Variants in CDH2 observed in about 807,000 individuals in gnomAD.
CDH2 encodes cadherin 2, also known as cadherin-2.
A neutral mutation model predicts 92.0 loss-of-function variants in CDH2; 17 were observed. The observed-to-expected ratio is 0.18, with a 90% confidence interval of 0.13 to 0.28. CDH2 has a LOEUF of 0.28. Ranked by LOEUF, CDH2 falls within the 10% of genes least tolerant of loss-of-function variation. The pLI, the probability that CDH2 is intolerant of heterozygous loss-of-function variation, is 1.00. For missense variants in CDH2, 862 were observed against 1,133.1 expected, an observed-to-expected ratio of 0.76 and a Z score of 3.44; for synonymous variants, 419 against 415.9, an observed-to-expected ratio of 1.01 and a Z score of -0.09.
At chr18:28,041,426 A>G (rs541464859) in intron 2 of CDH2, among the ~76,000 whole-genome samples, 1 of 152,322 alleles carries the variant, frequency 6.6e-6, no homozygotes, top group East Asian at 1.9e-4. Flanking sequence ...AAATAAAAAG[A>G]ATGGATTTCT....
At chr18:28,096,368 C>T (rs1057150917) in intron 2 of CDH2, among the ~76,000 whole-genome samples, 6 of 150,162 alleles carry the variant, frequency 4.0e-5, no homozygotes, top group Admixed American at 3.3e-4. Context: ...ATTAAAGCAA[C>T]CTTGAGATGC....
At chr18:28,051,631 T>C (rs1398108515) in intron 2 of CDH2, among the ~76,000 whole-genome samples, 1 of 152,142 alleles carries the variant, frequency 6.6e-6, no homozygotes, top group African/African-American at 2.4e-5. Flanking sequence ...TAAATTAACC[T>C]TACTCAAAAT....
chr18:28,091,170 T>C (rs927158802), intron 2 of CDH2, among the ~76,000 whole-genome samples: 1 of 152,202 alleles, frequency 6.6e-6, no homozygotes, highest in African/African-American at 2.4e-5. Flanking sequence ...ACTATATGAT[T>C]GCAAAAAGTT....
intron 2 of CDH2, among the ~76,000 whole-genome samples, chr18:28,017,865 T>C (rs1220051053): frequency 1.3e-5 from 2 of 152,072 alleles, no homozygotes; most frequent in Non-Finnish European, 2.9e-5. Context: ...AAGACAAGGA[T>C]GCTCACTTTC....
chr18:27,957,169 A>C (rs2011270973), intron 15 of CDH2, among the ~76,000 whole-genome samples: 1 of 128,968 alleles, frequency 7.8e-6, no homozygotes, highest in Non-Finnish European at 1.8e-5. Context: ...CATTAAAAAT[A>C]TCACTTCGAC....
chr18:28,078,943 C>T (rs894679), intron 2 of CDH2, among the ~76,000 whole-genome samples: 24,734 of 152,130 alleles, frequency 0.16, 2,320 homozygotes, highest in East Asian at 0.3. Flanking sequence ...CCTCCACACA[C>T]TAATCAGAGT....
At chr18:27,987,220 A>G (rs2012263766) in intron 11 of CDH2, among the ~76,000 whole-genome samples, 1 of 152,218 alleles carries the variant, frequency 6.6e-6, no homozygotes, top group African/African-American at 2.4e-5. Flanking sequence ...CATTACTTTC[A>G]GTACCACTGT....
At chr18:28,153,694 T>C (rs995660164) in intron 1 of CDH2, among the ~76,000 whole-genome samples, 3 of 152,338 alleles carry the variant, frequency 2.0e-5, no homozygotes, top group African/African-American at 4.8e-5. Flanking sequence ...GTTCCCCATC[T>C]GTACAACAAG....
At chr18:28,006,312 T>C (rs1370920738) in intron 5 of CDH2, among the ~76,000 whole-genome samples, 1 of 152,192 alleles carries the variant, frequency 6.6e-6, no homozygotes, top group Admixed American at 6.5e-5. Flanking sequence ...CTAGGAAATT[T>C]ATGAAGGTCA....
rs2143850333 is a variant in CDH2, at chr18:27,951,517, T to C, written c.*636A>G. The C allele has an allele frequency of 6.5e-6, 1 of 152,674 alleles. No individual in the cohort carries two copies. Among genetic ancestry groups the C allele is most frequent in the Admixed American group, 6.5e-5 (1 of 15,286 alleles). 9.5% of individuals were successfully genotyped at this position (152,674 alleles called of 1,614,324 possible). On this transcript the variant is annotated 3_prime_UTR_variant, in exon 16 of 16. Transcript: ENST00000269141. Reference sequence around the variant, plus strand: ...AAGTGTACATGGATTAAGACCAAAATGTGTCTAACATTCTAGTTTATGAAA... The same window carrying C: ...AAGTGTACATGGATTAAGACCAAAACGTGTCTAACATTCTAGTTTATGAAA...
At chr18:28,098,552 C>A (rs1280495427) in intron 2 of CDH2, among the ~76,000 whole-genome samples, 8 of 151,890 alleles carry the variant, frequency 5.3e-5, no homozygotes, top group African/African-American at 1.9e-4. Flanking sequence ...AGCACTATAA[C>A]TCATGCCTGA....
intron 2 of CDH2, among the ~76,000 whole-genome samples, chr18:28,133,059 A>C (rs2015798637): frequency 6.6e-6 from 1 of 152,190 alleles, no homozygotes; most frequent in South Asian, 2.1e-4. Context: ...GCCCTTCTTG[A>C]AATCAGCAAT....
rs151238435 is a variant in CDH2 at position 28,103,725 on chromosome 18, C to T, written c.172+43948G>A. ...ATACATGTGTTCTCATTATTCAATTCCCACTTATGAGTGAGAACATGCGGT... is the reference window on the plus strand; with the variant it reads ...ATACATGTGTTCTCATTATTCAATTTCCACTTATGAGTGAGAACATGCGGT... On this transcript the variant is annotated intron_variant, in intron 2 of 15. Transcript: ENST00000269141. Among the ~76,000 whole-genome samples the T allele has an allele frequency of 4.8e-3, 727 of 151,898 alleles. 9 individuals are homozygous for T. Among genetic ancestry groups the T allele is most frequent in the African/African-American group, 0.017 (690 of 41,416 alleles).
At chr18:28,004,401 C>A (rs1302012878) in intron 6 of CDH2, among the ~76,000 whole-genome samples, 1 of 152,174 alleles carries the variant, frequency 6.6e-6, no homozygotes, top group Non-Finnish European at 1.5e-5. Context: ...AAATTCATCA[C>A]AAATCTTGCC....
rs538213259 is a variant in CDH2 at position 28,076,130 on chromosome 18, C to G, written c.173-62221G>C. On this transcript the variant is annotated intron_variant, in intron 2 of 15. Coordinates refer to ENST00000269141, the MANE Select transcript of CDH2 (RefSeq NM_001792.5). ...CAAAAATCCAGCCTTCTTTATGTAG[C>G]AAGTTTAGATAAGTGATATGATTTG... 1.1e-4 allele frequency among the ~76,000 whole-genome samples: 16 copies of G among 152,238 alleles called. No individual in the cohort carries two copies. The South Asian group carries it at 3.3e-3, about 32-fold the overall frequency.
At chr18:28,150,239 C>T (rs915485518) in intron 1 of CDH2, among the ~76,000 whole-genome samples, 5 of 152,188 alleles carry the variant, frequency 3.3e-5, no homozygotes, top group African/African-American at 1.2e-4. Flanking sequence ...AGCCCAGAAA[C>T]GCCGTGGCCA....
chr18:28,089,692 C>A (rs2015001767), intron 2 of CDH2, among the ~76,000 whole-genome samples: 1 of 152,130 alleles, frequency 6.6e-6, no homozygotes, highest in African/African-American at 2.4e-5. Flanking sequence ...ATTGGTCCAA[C>A]CTGTAACTGG....
At chr18:28,076,722 G>A (rs1283144062) in intron 2 of CDH2, among the ~76,000 whole-genome samples, 2 of 136,912 alleles carry the variant, frequency 1.5e-5, no homozygotes, top group Non-Finnish European at 3.0e-5. Flanking sequence ...CCCGGTGTGT[G>A]ATGTTCCCCT....
chr18:27,988,272 C>T (rs918619129), intron 11 of CDH2, among the ~76,000 whole-genome samples: 2 of 152,234 alleles, frequency 1.3e-5, no homozygotes, highest in South Asian at 2.1e-4. Context: ...AAGGCATCAA[C>T]ATGTGACAGG....
Sources: gnomAD v4.1 joint callset for allele counts (sites outside exome capture counted in the v4.1 genomes callset) on GRCh38, gnomAD v4.1.1 for gene constraint, MANE v1.5 for transcripts, NCBI Gene and HGNC (gene_info 2026-07-23, HGNC 2026-07-21) for gene names.